The following PTPRO variants were observed in gnomAD, a reference collection of about 807,000 sequenced individuals.
PTPRO encodes the protein receptor-type tyrosine-protein phosphatase O.
PTPRO carries 62 observed loss-of-function variants against 145.2 expected under a neutral mutation model. That is an observed-to-expected ratio of 0.43 (90% CI 0.35 to 0.53). The LOEUF is 0.53. PTPRO is among the 20% of genes least tolerant of loss of function. The pLI is 0.01. For synonymous variants in PTPRO, 565 were observed against 514.7 expected (o/e 1.10, Z -1.32); for missense variants, 1,345 against 1,482.7 (o/e 0.91, Z 1.53).
In PTPRO at chr12:15,496,755, T is replaced by G. The variant is rs543269336; in HGVS notation, c.350-490T>G. On this transcript the variant is annotated intron_variant, in intron 2 of 26. Coordinates refer to ENST00000281171, the MANE Select transcript of PTPRO (RefSeq NM_030667.3). ...TCATATGGAAAAATAAGTGCTATGTTCACAGGAAGAAATAAATGATCATAT... is the reference window on the plus strand; with the variant it reads ...TCATATGGAAAAATAAGTGCTATGTGCACAGGAAGAAATAAATGATCATAT... Among the ~76,000 whole-genome samples, 13 of 152,334 alleles carry G rather than the reference T, an allele frequency of 8.5e-5. 2 individuals are homozygous for G. The highest frequency in any genetic ancestry group is 3.1e-4 in the African/African-American group (13 of 41,580).
intron 4 of PTPRO, 31 bp downstream of exon 4, chr12:15,499,625 A>G: frequency 1.3e-6 from 2 of 1,598,268 alleles, no homozygotes; most frequent in Non-Finnish European, 1.7e-6. Flanking sequence ...AATACAGTGA[A>G]AAAATAATTC....
At chr12:15,369,424 C>G (rs150531018) in intron 1 of PTPRO, among the ~76,000 whole-genome samples, 2 of 152,096 alleles carry the variant, frequency 1.3e-5, no homozygotes, top group Non-Finnish European at 2.9e-5. Context: ...AGGTAGGATG[C>G]GAAACCTTCT....
chr12:15,506,109 A>T (rs1298515574), intron 6 of PTPRO, among the ~76,000 whole-genome samples: 2 of 152,218 alleles, frequency 1.3e-5, no homozygotes, highest in African/African-American at 4.8e-5. Flanking sequence ...TGGGTTGATT[A>T]TCAAGTCAGT....
intron 1 of PTPRO, among the ~76,000 whole-genome samples, chr12:15,341,173 C>T (rs1373647196): frequency 6.6e-6 from 1 of 152,064 alleles, no homozygotes; most frequent in Admixed American, 6.5e-5. Context: ...TGTGGAAGAA[C>T]AACATTAACT....
At chr12:15,449,261 G>A (rs1430898770) in intron 1 of PTPRO, among the ~76,000 whole-genome samples, 1 of 152,198 alleles carries the variant, frequency 6.6e-6, no homozygotes, top group Admixed American at 6.5e-5. Context: ...TATGGCCACT[G>A]GGATTGGCCA....
chr12:15,421,558 T>C (rs534231720), intron 1 of PTPRO, among the ~76,000 whole-genome samples: 19 of 152,314 alleles, frequency 1.2e-4, no homozygotes, highest in Non-Finnish European at 2.5e-4. Context: ...AACCTATGCA[T>C]AGCCAAGTTT....
intron 1 of PTPRO, among the ~76,000 whole-genome samples, chr12:15,456,199 A>G (rs1255594124): frequency 6.6e-6 from 1 of 152,094 alleles, no homozygotes; most frequent in Non-Finnish European, 1.5e-5. Flanking sequence ...AATTTTATCA[A>G]ATTTCTTTTC....
intron 1 of PTPRO, among the ~76,000 whole-genome samples, chr12:15,386,202 A>G (rs1430971386): frequency 6.6e-6 from 1 of 152,196 alleles, no homozygotes; most frequent in African/African-American, 2.4e-5. Flanking sequence ...AGAAACAACA[A>G]GGAACATAAC....
intron 1 of PTPRO, among the ~76,000 whole-genome samples, chr12:15,461,504 A>G (rs1282964423): frequency 6.7e-6 from 1 of 149,512 alleles, no homozygotes; most frequent in East Asian, 2.0e-4. Context: ...TCTTTTTGTC[A>G]ACATCTTCAT....
chr12:15,374,432 G>C (rs576135771), intron 1 of PTPRO, among the ~76,000 whole-genome samples: 4 of 152,222 alleles, frequency 2.6e-5, no homozygotes, highest in South Asian at 4.1e-4. Context: ...CTGAACTTGA[G>C]TAAGAACAAG....
rs1169163313 is a variant in PTPRO at position 15,499,621 on chromosome 12, G to T, written c.661+27G>T. 3 of 1,601,340 alleles carry T rather than the reference G, an allele frequency of 1.9e-6. No individual in the cohort carries two copies. The South Asian group carries it at 3.3e-5, about 18-fold the overall frequency. On this transcript the variant is annotated intron_variant, in intron 4 of 26. Coordinates refer to ENST00000281171, the MANE Select transcript of PTPRO (RefSeq NM_030667.3). ...TAAGTCTCCTGAAGAATCAAATACA[G>T]TGAAAAAATAATTCAGTTATATTTT...
At chr12:15,408,635 C>G (rs1939710258) in intron 1 of PTPRO, among the ~76,000 whole-genome samples, 1 of 152,080 alleles carries the variant, frequency 6.6e-6, no homozygotes, top group South Asian at 2.1e-4. Context: ...ACCATGTTGG[C>G]CAGGCTGGTC....
At chr12:15,328,499 C>CT (rs1345372599) in intron 1 of PTPRO, among the ~76,000 whole-genome samples, 2 of 151,842 alleles carry the variant, frequency 1.3e-5, no homozygotes, top group Non-Finnish European at 2.9e-5. Flanking sequence ...TTTTTCTTTC[C>CT]TTTTTTTCAG....
intron 1 of PTPRO, among the ~76,000 whole-genome samples, chr12:15,434,874 A>G (rs1209237450): frequency 1.3e-5 from 2 of 152,240 alleles, no homozygotes; most frequent in Admixed American, 6.5e-5. Flanking sequence ...AATACATTAT[A>G]CTATATCCAT....
intron 9 of PTPRO, chr12:15,517,171 G>A (rs1271659909): frequency 1.2e-5 from 7 of 602,366 alleles, no homozygotes; most frequent in African/African-American, 1.8e-5. Context: ...CCACGTGGCT[G>A]GGGAAGCCTC....
chr12:15,419,148 C>T (rs536055246), intron 1 of PTPRO, among the ~76,000 whole-genome samples: 2 of 150,074 alleles, frequency 1.3e-5, no homozygotes, highest in East Asian at 3.9e-4. Context: ...AAATCAGCTA[C>T]AAATTTTAGC....
At position 15,546,591 on chromosome 12, in the gene PTPRO, C is replaced by T; in HGVS notation, c.2187C>T (p.Leu729=). Residue 729 remains leucine (L), a synonymous_variant, in exon 13 of 27, where the codon CTC becomes CTT. Coordinates refer to ENST00000281171, the MANE Select transcript of PTPRO (RefSeq NM_030667.3). Reference sequence around the variant, plus strand: ...CAGAACCAGCTCCACCCAAATCACTCTTCGCAGTGAACAAAACCCAGACTT... The same window carrying T: ...CAGAACCAGCTCCACCCAAATCACTTTTCGCAGTGAACAAAACCCAGACTT... ...VKLEPAPPKS[L]FAVNKTQTSV... is the part of the protein sequence containing the mutation. 4 of 1,610,764 alleles carry T rather than the reference C, an allele frequency of 2.5e-6. No homozygotes were observed. The highest frequency in any genetic ancestry group is 3.4e-6 in the Non-Finnish European group (4 of 1,178,220).
chr12:15,423,006 G>C (rs1026798230), intron 1 of PTPRO, among the ~76,000 whole-genome samples: 1 of 152,152 alleles, frequency 6.6e-6, no homozygotes, highest in African/African-American at 2.4e-5. Context: ...GATATGCAAA[G>C]GGAATTTATG....
At chr12:15,487,355 C>G (rs1267203072) in intron 2 of PTPRO, among the ~76,000 whole-genome samples, 1 of 152,076 alleles carries the variant, frequency 6.6e-6, no homozygotes, top group Non-Finnish European at 1.5e-5. Flanking sequence ...ACTCTGGTCC[C>G]AAAAGAGTTT....
Sources: allele counts gnomAD v4.1 joint callset (sites outside exome capture counted in the v4.1 genomes callset), GRCh38; gene constraint gnomAD v4.1.1; transcripts MANE v1.5; gene names NCBI Gene and HGNC (gene_info 2026-07-23, HGNC 2026-07-21).